The following IRF8 variants were observed in gnomAD, a reference collection of about 807,000 sequenced individuals.
IRF8 encodes interferon consensus sequence binding protein 1.
IRF8 carries 14 observed loss-of-function variants against 48.7 expected under a neutral mutation model. That is an observed-to-expected ratio of 0.29 (90% CI 0.19 to 0.45). The LOEUF is 0.45. Among genes scored for constraint, IRF8 ranks in the 20% least tolerant of loss-of-function variants. The pLI, the probability that IRF8 is intolerant of heterozygous loss-of-function variation, is 1.00. For missense variants in IRF8, 493 were observed against 580.7 expected (o/e 0.85, Z 1.55); for synonymous variants, 278 against 227.3 (o/e 1.22, Z -2.01).
At chr16:85,901,909 C>T (rs1455374696) in intron 1 of IRF8, among the ~76,000 whole-genome samples, 2 of 151,530 alleles carry the variant, frequency 1.3e-5, no homozygotes, top group Non-Finnish European at 2.9e-5. Flanking sequence ...ACATTTTAAT[C>T]AGAAGAACAA....
intron 3 of IRF8, among the ~76,000 whole-genome samples, chr16:85,910,582 G>A (rs1025093699): frequency 3.3e-5 from 5 of 152,044 alleles, no homozygotes; most frequent in African/African-American, 1.2e-4. Flanking sequence ...GGCTTGAACC[G>A]GCAGGTGACC....
At chr16:85,904,728 C>T (rs1226234158) in intron 2 of IRF8, among the ~76,000 whole-genome samples, 3 of 151,498 alleles carry the variant, frequency 2.0e-5, no homozygotes, top group African/African-American at 7.3e-5. Flanking sequence ...CAGGGAGCCT[C>T]AGCACCAAGA....
intron 4 of IRF8, among the ~76,000 whole-genome samples, chr16:85,912,875 G>T (rs11649318): frequency 6.6e-6 from 1 of 152,042 alleles, no homozygotes; most frequent in African/African-American, 2.4e-5. Context: ...CAGGCAGGTC[G>T]TGGAAAGGGC....
At chr16:85,904,917 TG>T (rs1904950232) in intron 2 of IRF8, among the ~76,000 whole-genome samples, 1 of 150,328 alleles carries the variant, frequency 6.7e-6, no homozygotes, top group Non-Finnish European at 1.5e-5. Flanking sequence ...TTGGGAACTC[TG>T]CATTATAGAT....
intron 2 of IRF8, among the ~76,000 whole-genome samples, chr16:85,903,825 A>G (rs1425886735): frequency 6.6e-6 from 1 of 152,018 alleles, no homozygotes; most frequent in Non-Finnish European, 1.5e-5. Flanking sequence ...TGCTGTTCCC[A>G]CCCTCATTCT....
intron 2 of IRF8, among the ~76,000 whole-genome samples, chr16:85,903,759 C>A (rs775341372): frequency 7.9e-5 from 12 of 152,304 alleles, no homozygotes; most frequent in Non-Finnish European, 1.6e-4. Context: ...AGGGTTTGTT[C>A]TGTGCCAGGC....
chr16:85,910,909 A>G (rs542802593), intron 3 of IRF8, among the ~76,000 whole-genome samples: 1 of 152,374 alleles, frequency 6.6e-6, no homozygotes, highest in South Asian at 2.1e-4. Flanking sequence ...GATACGTCTC[A>G]CACTGATAAA....
chr16:85,909,469 C>G, intron 3 of IRF8: 1 of 420,366 alleles, frequency 2.4e-6, no homozygotes, highest in Non-Finnish European at 4.4e-6. Flanking sequence ...GATGAGGAAT[C>G]CTTTCATTTT....
At chr16:85,909,376 C>T in intron 3 of IRF8, 1 of 596,398 alleles carries the variant, frequency 1.7e-6, no homozygotes. Flanking sequence ...TGGGTGCTGC[C>T]CAACCTGTGC....
intron 4 of IRF8, among the ~76,000 whole-genome samples, chr16:85,912,756 A>G (rs1905183321): frequency 1.3e-5 from 2 of 152,268 alleles, no homozygotes; most frequent in Non-Finnish European, 2.9e-5. Flanking sequence ...GAGATTCTTG[A>G]AAGCATGGCA....
rs200617822 is a variant in IRF8 at position 85,909,191 on chromosome 16, G to A, written c.358+18G>A. The A allele has an allele frequency of 9.8e-5, 158 of 1,611,336 alleles. No individual in the cohort carries two copies. Among genetic ancestry groups the A allele is most frequent in the Non-Finnish European group, 1.2e-4 (141 of 1,177,960 alleles). On this transcript the variant is annotated intron_variant, in intron 3 of 8. Transcript: ENST00000268638. Reference sequence around the variant, plus strand: ...GCAAAAATGTAACTATCCTTTATGGGCATGAAACCTTCCAGAAGCTGCCCT... The same window carrying A: ...GCAAAAATGTAACTATCCTTTATGGACATGAAACCTTCCAGAAGCTGCCCT...
intron 6 of IRF8, among the ~76,000 whole-genome samples, chr16:85,916,556 G>T (rs942596727): frequency 6.6e-6 from 1 of 152,164 alleles, no homozygotes; most frequent in Non-Finnish European, 1.5e-5. Context: ...GACGTTCTGG[G>T]GTGTGTGGTC....
intron 1 of IRF8, among the ~76,000 whole-genome samples, chr16:85,899,709 A>T (rs1392440706): frequency 6.6e-6 from 1 of 152,198 alleles, no homozygotes; most frequent in Non-Finnish European, 1.5e-5. Context: ...ACAGTCAATT[A>T]AGATTTCTGA....
At chr16:85,906,604 G>A (rs1410132641) in intron 2 of IRF8, among the ~76,000 whole-genome samples, 3 of 152,252 alleles carry the variant, frequency 2.0e-5, no homozygotes, top group East Asian at 1.9e-4. Context: ...TGAGCTTGGC[G>A]TGAACGAGTG....
At position 85,922,084 on chromosome 16, in the gene IRF8, T is replaced by A. The variant is rs936500193; in HGVS notation, c.*802T>A. 7 of 151,790 alleles carry A rather than the reference T, an allele frequency of 4.6e-5. No homozygotes were observed. The highest frequency in any genetic ancestry group is 1.7e-4 in the African/African-American group (7 of 41,042). The allele number at this position is 151,790 out of a possible 1,614,324, so 9.4% of individuals were successfully genotyped here. ...GTACTTCGAATTGTCGGATTTTCCA[T>A]GTCCTCCTTTCTCCTTTGTGCCCAG... On this transcript the variant is annotated 3_prime_UTR_variant, in exon 9 of 9. Transcript: ENST00000268638.
chr16:85,914,223 C>A, intron 5 of IRF8: 2 of 550,404 alleles, frequency 3.6e-6, no homozygotes, highest in South Asian at 2.0e-5. Flanking sequence ...CACATTGACA[C>A]ATGGTCAGAA....
intron 1 of IRF8, among the ~76,000 whole-genome samples, chr16:85,899,550 C>G (rs544496119): frequency 1.3e-5 from 2 of 152,196 alleles, no homozygotes; most frequent in Admixed American, 1.3e-4. Flanking sequence ...AACCCCCTAT[C>G]TTGAAACGCG....
At chr16:85,917,790 C>G (rs892550477) in intron 6 of IRF8, among the ~76,000 whole-genome samples, 4 of 152,202 alleles carry the variant, frequency 2.6e-5, no homozygotes, top group African/African-American at 7.2e-5. Context: ...ACATGTATCA[C>G]CCCTCCCCCA....
intron 4 of IRF8, among the ~76,000 whole-genome samples, chr16:85,912,750 T>A (rs1482236420): frequency 6.6e-6 from 1 of 152,212 alleles, no homozygotes; most frequent in African/African-American, 2.4e-5. Flanking sequence ...TTGAGCGAGA[T>A]TCTTGAAAGC....
Sources: gnomAD v4.1 joint callset for allele counts (sites outside exome capture counted in the v4.1 genomes callset) on GRCh38, gnomAD v4.1.1 for gene constraint, MANE v1.5 for transcripts, NCBI Gene and HGNC (gene_info 2026-07-23, HGNC 2026-07-21) for gene names.